The following AKAP19 variants were observed in gnomAD, a reference collection of about 807,000 sequenced individuals.
AKAP19 encodes the protein small A-kinase anchoring protein.
the AKAP19 span, among the ~76,000 whole-genome samples, chr2:189,907,912 C>T: frequency 2.0e-5 from 3 of 152,052 alleles, no homozygotes; most frequent in African/African-American, 7.2e-5. Context: ...TGTAATTTCT[C>T]ATCTTTAATT....
the AKAP19 span, among the ~76,000 whole-genome samples, chr2:189,890,082 A>G: frequency 6.6e-6 from 1 of 152,166 alleles, no homozygotes; most frequent in Non-Finnish European, 1.5e-5. Flanking sequence ...ATTTCCCTCT[A>G]AACACTGCTT....
chr2:190,144,764 G>A, the AKAP19 span, among the ~76,000 whole-genome samples: 1 of 151,862 alleles, frequency 6.6e-6, no homozygotes, highest in African/African-American at 2.4e-5. Context: ...ATCACCTGAG[G>A]TCAGGAGTTC....
At chr2:190,132,111 G>T in the AKAP19 span, among the ~76,000 whole-genome samples, 1 of 152,072 alleles carries the variant, frequency 6.6e-6, no homozygotes, top group Non-Finnish European at 1.5e-5. Flanking sequence ...AGAGGTGAAA[G>T]AACTGTACAC....
At chr2:190,020,478 T>G in the AKAP19 span, among the ~76,000 whole-genome samples, 1 of 152,208 alleles carries the variant, frequency 6.6e-6, no homozygotes, top group Admixed American at 6.5e-5. Flanking sequence ...CCAGGTTTAT[T>G]TTTTGCAGAT....
chr2:189,915,122 G>A, the AKAP19 span, among the ~76,000 whole-genome samples: 3 of 152,020 alleles, frequency 2.0e-5, no homozygotes, highest in African/African-American at 7.2e-5. Context: ...TCACTTCTTG[G>A]TATCTCCTCA....
At chr2:189,941,962 A>G in the AKAP19 span, among the ~76,000 whole-genome samples, 2,454 of 152,318 alleles carry the variant, frequency 0.016, 67 homozygotes, top group African/African-American at 0.056. Context: ...AAGTGAAGGG[A>G]TGGAAAAAAA....
the AKAP19 span, among the ~76,000 whole-genome samples, chr2:190,118,536 A>G: frequency 6.6e-6 from 1 of 152,242 alleles, no homozygotes; most frequent in African/African-American, 2.4e-5. Context: ...AGTGGGCTTC[A>G]TCCCTGGGAT....
chr2:190,132,250 A>G, the AKAP19 span, among the ~76,000 whole-genome samples: 1 of 152,200 alleles, frequency 6.6e-6, no homozygotes, highest in African/African-American at 2.4e-5. Flanking sequence ...CATAATCCCT[A>G]TCAAAATTCC....
the AKAP19 span, among the ~76,000 whole-genome samples, chr2:190,177,824 G>A: frequency 6.6e-6 from 1 of 152,302 alleles, no homozygotes; most frequent in African/African-American, 2.4e-5. The surrounding 1 kb of genome is among the most constrained non-coding windows in gnomAD (Gnocchi z 4.6). Flanking sequence ...CCTCAATCCA[G>A]CTCAGTATTT....
At chr2:189,882,154 T>C in the AKAP19 span, among the ~76,000 whole-genome samples, 2 of 152,212 alleles carry the variant, frequency 1.3e-5, no homozygotes, top group Non-Finnish European at 2.9e-5. Flanking sequence ...ACATTCTTTC[T>C]AAATTAACTG....
chr2:190,122,284 G>A, the AKAP19 span, among the ~76,000 whole-genome samples: 2 of 152,230 alleles, frequency 1.3e-5, no homozygotes, highest in African/African-American at 4.8e-5. Context: ...TGTGAAGACT[G>A]ATCTGAAATC....
chr2:190,021,400 T>G, the AKAP19 span, among the ~76,000 whole-genome samples: 1 of 152,234 alleles, frequency 6.6e-6, no homozygotes, highest in African/African-American at 2.4e-5. Flanking sequence ...AGTAGTTTGT[T>G]TAAACTTTAT....
the AKAP19 span, among the ~76,000 whole-genome samples, chr2:190,052,316 C>G: frequency 6.6e-6 from 1 of 152,108 alleles, no homozygotes; most frequent in Non-Finnish European, 1.5e-5. Flanking sequence ...CTAGCGATTG[C>G]CTCAATGACC....
At chr2:190,111,526 A>C in the AKAP19 span, among the ~76,000 whole-genome samples, 638 of 152,366 alleles carry the variant, frequency 4.2e-3, 4 homozygotes, top group African/African-American at 0.015. Context: ...ATATGCCAGC[A>C]TAATCTCTTT....
the AKAP19 span, chr2:190,199,971 G>A: frequency 6.2e-7 from 1 of 1,614,110 alleles, no homozygotes; most frequent in Non-Finnish European, 8.5e-7. Context: ...GTCTACCTAG[G>A]ATGGCTTCTC....
the AKAP19 span, among the ~76,000 whole-genome samples, chr2:190,042,555 C>T: frequency 2.0e-5 from 3 of 151,960 alleles, no homozygotes; most frequent in Admixed American, 6.5e-5. Flanking sequence ...CTTCTGCTAG[C>T]TTTGGGATTG....
the AKAP19 span, chr2:190,180,486 A>G: frequency 1.0e-6 from 1 of 985,524 alleles, no homozygotes; most frequent in Non-Finnish European, 1.2e-6. This position sits in a 1 kb window ranked among gnomAD's most constrained non-coding sequence, Gnocchi z 6.8. Flanking sequence ...TCTTACTTTC[A>G]TTGACCTCTG....
the AKAP19 span, among the ~76,000 whole-genome samples, chr2:189,919,605 A>G: frequency 2.0e-5 from 3 of 151,786 alleles, no homozygotes; most frequent in Non-Finnish European, 4.4e-5. Flanking sequence ...TGTGTTCTCA[A>G]TGTTCAGCTC....
the AKAP19 span, among the ~76,000 whole-genome samples, chr2:189,909,779 G>A: frequency 2.0e-5 from 3 of 151,972 alleles, no homozygotes; most frequent in African/African-American, 7.2e-5. Flanking sequence ...AGAAGTCAAC[G>A]CTGATATGGT....
Sources: gnomAD v4.1 joint callset for allele counts (sites outside exome capture counted in the v4.1 genomes callset) on GRCh38, gnomAD v4.1.1 for gene constraint, Gnocchi (gnomAD v3.1) non-coding constraint, MANE v1.5 for transcripts, NCBI Gene and HGNC (gene_info 2026-07-23, HGNC 2026-07-21) for gene names.